NEBL: variants seen among roughly 807,000 people sequenced by gnomAD.
NEBL encodes the protein nebulette.
NEBL carries 122 observed loss-of-function variants against 140.2 expected under a neutral mutation model. The observed-to-expected ratio is 0.87, with a 90% CI of 0.75 to 1.01. The LOEUF is 1.01. Ranked by LOEUF, NEBL falls within the 50% of genes least tolerant of loss-of-function variation. The pLI is 0.00. For missense variants in NEBL, 1,365 were observed against 1,231.3 expected, an observed-to-expected ratio of 1.11 and a Z score of -1.62; for synonymous variants, 436 against 398.9, an observed-to-expected ratio of 1.09 and a Z score of -1.11.
At chr10:21,218,591 T>C (rs1233129782) in intron 3 of NEBL, among the ~76,000 whole-genome samples, 1 of 152,150 alleles carries the variant, frequency 6.6e-6, no homozygotes, top group Non-Finnish European at 1.5e-5. Context: ...GAGGAAAAAC[T>C]TTTCCTCTGC....
intron 4 of NEBL, among the ~76,000 whole-genome samples, chr10:20,884,133 T>A (rs1253781087): frequency 1.3e-5 from 2 of 152,254 alleles, no homozygotes; most frequent in Non-Finnish European, 2.9e-5. Flanking sequence ...ATATAAGTGA[T>A]AAATACATTT....
chr10:21,146,627 T>G (rs1312118065), intron 2 of NEBL: 1 of 684,308 alleles, frequency 1.5e-6, no homozygotes, highest in African/African-American at 1.8e-5. Context: ...ACAAACACAT[T>G]TGAAATAGAT....
intron 2 of NEBL, among the ~76,000 whole-genome samples, chr10:21,137,908 C>G (rs977764973): frequency 7.4e-6 from 1 of 135,778 alleles, no homozygotes; most frequent in Non-Finnish European, 1.6e-5. Flanking sequence ...GCCTGGGTGA[C>G]AGAGCAAGAC....
intron 2 of NEBL, among the ~76,000 whole-genome samples, chr10:21,096,828 A>G (rs552846425): frequency 6.6e-6 from 1 of 152,226 alleles, no homozygotes; most frequent in East Asian, 1.9e-4. Flanking sequence ...TCTTTTTAAC[A>G]TAGATTTTGG....
intron 2 of NEBL, among the ~76,000 whole-genome samples, chr10:21,049,121 A>G (rs978326810): frequency 2.0e-5 from 3 of 152,232 alleles, no homozygotes; most frequent in Non-Finnish European, 4.4e-5. Flanking sequence ...ACTTACCCAC[A>G]TTATGAAAAG....
intron 2 of NEBL, among the ~76,000 whole-genome samples, chr10:21,038,128 A>G (rs1310573915): frequency 6.6e-6 from 1 of 152,224 alleles, no homozygotes; most frequent in African/African-American, 2.4e-5. Flanking sequence ...ATTACTACCT[A>G]ACTATGAGGG....
Position 20,816,930 on chromosome 10 carries a change from G to A in NEBL, c.2148+670C>T, listed in dbSNP as rs570375371. Among the ~76,000 whole-genome samples the A allele has an allele frequency of 3.9e-5, 6 of 152,216 alleles. No homozygotes were observed. The South Asian group carries it at 6.2e-4, about 16-fold the overall frequency. On this transcript the variant is annotated intron_variant, in intron 21 of 27. Coordinates refer to ENST00000377122, the MANE Select transcript of NEBL (RefSeq NM_006393.3). ...TTGTGGGAAGTGGAAAGTGGGGCTC[G>A]GAGGAAGCGCAAGAACAGGAACACA...
rs375256840 is a variant in NEBL at position 21,248,841 on chromosome 10, G to GT, written n.280-853dup. ...GCCAATCTTTGTTGTTTTCTGTTTT[G>GT]TTTTTTTTTTTGACAATAGACATCC... On this transcript the variant is annotated intron_variant and non_coding_transcript_variant, in intron 2 of 8. Coordinates refer to the NEBL transcript ENST00000675702. Among the ~76,000 whole-genome samples, 866 of 143,448 alleles carry GT rather than the reference G, an allele frequency of 6.0e-3. 5 individuals carry two copies. Among genetic ancestry groups the GT allele is most frequent in the South Asian group, 0.022 (98 of 4,556 alleles). 94.1% of individuals were successfully genotyped at this position (143,448 alleles called of 152,430 possible).
At chr10:21,089,235 T>G (rs765213606) in intron 2 of NEBL, among the ~76,000 whole-genome samples, 3 of 152,034 alleles carry the variant, frequency 2.0e-5, no homozygotes, top group Non-Finnish European at 4.4e-5. Context: ...TGGGGTGACA[T>G]GAGGTCAGGG....
intron 3 of NEBL, among the ~76,000 whole-genome samples, chr10:21,212,846 A>G (rs1034644325): frequency 2.0e-5 from 3 of 152,186 alleles, no homozygotes; most frequent in Admixed American, 6.5e-5. Flanking sequence ...ATACTTCAAA[A>G]CATTCAGTCA....
intron 3 of NEBL, among the ~76,000 whole-genome samples, chr10:21,241,889 G>A (rs1188380239): frequency 6.6e-6 from 1 of 152,164 alleles, no homozygotes; most frequent in Admixed American, 6.6e-5. Context: ...TCATTGAATG[G>A]ACCCACAGCT....
chr10:21,166,085 T>C (rs1427003892), intron 2 of NEBL, among the ~76,000 whole-genome samples: 1 of 151,288 alleles, frequency 6.6e-6, no homozygotes, highest in Non-Finnish European at 1.5e-5. Flanking sequence ...CCGGGCCTGG[T>C]GGCGGGCGCC....
chr10:21,046,327 T>C (rs1834512361), intron 2 of NEBL, among the ~76,000 whole-genome samples: 1 of 152,204 alleles, frequency 6.6e-6, no homozygotes, highest in African/African-American at 2.4e-5. Context: ...CTACAGTTAA[T>C]AACAATGTAT....
At chr10:20,954,462 A>T (rs1644947341) in intron 4 of NEBL, among the ~76,000 whole-genome samples, 1 of 152,236 alleles carries the variant, frequency 6.6e-6, no homozygotes, top group Non-Finnish European at 1.5e-5. Flanking sequence ...TGACTGTCAG[A>T]GCAGCTAGGG....
intron 3 of NEBL, among the ~76,000 whole-genome samples, chr10:21,018,422 T>C (rs567280577): frequency 5.7e-4 from 87 of 152,258 alleles, no homozygotes; most frequent in African/African-American, 2.0e-3. Flanking sequence ...GGGGTGTGAA[T>C]GAACAGAGGT....
rs1299130211 is a variant in NEBL, at chr10:21,188,752, G to A, written n.349-16275C>T. 6.6e-5 allele frequency among the ~76,000 whole-genome samples: 10 copies of A among 151,940 alleles called. No homozygotes were observed. In the East Asian group the frequency reaches 1.9e-3, roughly 30 times the overall value. Reference sequence around the variant, plus strand: ...GGTACAGGCCCCCACACCACAGCAGGCTAATTTTTGTTTTTTTAGTAGAGA... The same window carrying A: ...GGTACAGGCCCCCACACCACAGCAGACTAATTTTTGTTTTTTTAGTAGAGA... On this transcript the variant is annotated intron_variant and non_coding_transcript_variant, in intron 3 of 8. Transcript: ENST00000675702.
At position 20,780,919 on chromosome 10, in the gene NEBL, G is replaced by A. The variant is rs1834998021; in HGVS notation, c.*4828C>T. ...ACAAATATTAATGTTAATGATTAGG[G>A]TAGCCTTGAAGGGTTTGTGAGTGAC... On this transcript the variant is annotated 3_prime_UTR_variant, in exon 28 of 28. Transcript: ENST00000377122. The A allele has an allele frequency of 6.6e-6, 1 of 152,158 alleles. No individual in the cohort carries two copies. The highest frequency in any genetic ancestry group is 2.4e-5 in the African/African-American group (1 of 41,444). 9.4% of individuals were successfully genotyped at this position (152,158 alleles called of 1,614,324 possible). A position where few individuals can be genotyped will look rare whatever the true frequency, so the allele number is the denominator to read the frequency against.
chr10:20,905,330 T>C (rs773233010), intron 4 of NEBL, among the ~76,000 whole-genome samples: 1 of 152,202 alleles, frequency 6.6e-6, no homozygotes, highest in African/African-American at 2.4e-5. Context: ...GGGTAATTTA[T>C]AAATAAAAGA....
chr10:21,171,938 G>C (rs1206872756), intron 2 of NEBL: 4 of 214,034 alleles, frequency 1.9e-5, no homozygotes, highest in African/African-American at 9.3e-5. Context: ...CTCTGCAGTG[G>C]TCTCAGCTAA....
Sources: gnomAD v4.1 joint callset for allele counts (sites outside exome capture counted in the v4.1 genomes callset) on GRCh38, gnomAD v4.1.1 for gene constraint, MANE v1.5 for transcripts, NCBI Gene and HGNC (gene_info 2026-07-23, HGNC 2026-07-21) for gene names.